The following GDPD5 variants were observed in gnomAD, a reference collection of about 807,000 sequenced individuals.
GDPD5 encodes glycerophosphodiester phosphodiesterase 2.
Under a neutral mutation model 75.1 loss-of-function variants are expected in GDPD5, and 48 were observed. The observed-to-expected ratio is 0.64, with a 90% CI of 0.51 to 0.81. GDPD5 has a LOEUF of 0.81. GDPD5 is among the 40% of genes least tolerant of loss of function. The pLI is 0.00. For synonymous variants in GDPD5, 336 were observed against 339.0 expected, an observed-to-expected ratio of 0.99 and a Z score of 0.10; for missense variants, 706 against 822.6, an observed-to-expected ratio of 0.86 and a Z score of 1.73.
intron 1 of GDPD5, among the ~76,000 whole-genome samples, chr11:75,515,330 A>C (rs1012932529): frequency 2.0e-5 from 3 of 152,168 alleles, no homozygotes; most frequent in Non-Finnish European, 2.9e-5. Flanking sequence ...CTCCCTGACC[A>C]TGCCTCCTCT....
At position 75,477,638 on chromosome 11, in the gene GDPD5, G is replaced by A; in HGVS notation, c.98C>T (p.Ser33Phe). ...GCTCACCGGTGTGGTATCATCATGG[G>A]AGCGCTGGTAGCGCTTCCAACGGCA... ...YGCRWKRYQR[S>F]HDDTTPWERL... The change falls in exon 3 of 17, where the codon TCC (serine) becomes TTC (phenylalanine). Residue 33 changes from serine (S) to phenylalanine (F), a missense_variant. Coordinates refer to ENST00000336898, the MANE Select transcript of GDPD5 (RefSeq NM_030792.8). 1 of 1,594,524 alleles carries A rather than the reference G, an allele frequency of 6.3e-7. No individual in the cohort carries two copies. The highest frequency in any genetic ancestry group is 8.6e-7 in the Non-Finnish European group (1 of 1,165,928).
chr11:75,452,480 C>T (rs971371797), intron 6 of GDPD5: 4 of 152,160 alleles, frequency 2.6e-5, no homozygotes, highest in Non-Finnish European at 5.9e-5. Flanking sequence ...GATATGGGAA[C>T]AGGATTATTG....
chr11:75,439,226 AGGT>A, intron 15 of GDPD5: 1 of 418,594 alleles, frequency 2.4e-6, no homozygotes, highest in Non-Finnish European at 4.9e-6. Flanking sequence ...GCTGTCTGCG[AGGT>A]GGCCCGGGCA....
intron 1 of GDPD5, among the ~76,000 whole-genome samples, chr11:75,522,020 C>T (rs1941478322): frequency 6.6e-6 from 1 of 152,012 alleles, no homozygotes; most frequent in Non-Finnish European, 1.5e-5. Flanking sequence ...CATTCAAGGC[C>T]CTCTCCTATA....
chr11:75,518,516 AC>A (rs1950690027), intron 1 of GDPD5, among the ~76,000 whole-genome samples: 1 of 152,168 alleles, frequency 6.6e-6, no homozygotes, highest in Non-Finnish European at 1.5e-5. Context: ...GGCCTGCAGG[AC>A]TTTTAAAAGT....
At chr11:75,443,451 T>TG (rs1006705889) in intron 10 of GDPD5, among the ~76,000 whole-genome samples, 165 bp from the exon 11 acceptor site, 1 of 152,134 alleles carries the variant, frequency 6.6e-6, no homozygotes, top group Non-Finnish European at 1.5e-5. Context: ...GACAGTGGGC[T>TG]GGTGGGTGAC....
intron 3 of GDPD5, among the ~76,000 whole-genome samples, chr11:75,475,808 T>G (rs886450111): frequency 1.3e-5 from 2 of 152,006 alleles, no homozygotes; most frequent in Non-Finnish European, 2.9e-5. Context: ...CTGCTGCCCC[T>G]CCAGCCTTGG....
intron 16 of GDPD5, among the ~76,000 whole-genome samples, chr11:75,436,465 G>A (rs1311668401): frequency 6.6e-6 from 1 of 151,614 alleles, no homozygotes; most frequent in Non-Finnish European, 1.5e-5. Flanking sequence ...CTCTGACCAC[G>A]TCCTCCCGCC....
At chr11:75,464,302 C>T (rs1592095975) in intron 3 of GDPD5, among the ~76,000 whole-genome samples, 1 of 152,214 alleles carries the variant, frequency 6.6e-6, no homozygotes, top group South Asian at 2.1e-4. Flanking sequence ...GAGGGCAATA[C>T]TAGTACTTAT....
intron 1 of GDPD5, among the ~76,000 whole-genome samples, chr11:75,503,736 G>A (rs1230061257): frequency 2.0e-5 from 3 of 152,252 alleles, no homozygotes; most frequent in African/African-American, 7.2e-5. Flanking sequence ...TCTGACGTGA[G>A]TCTCCTTGTT....
chr11:75,438,276 T>C (rs1418225542), intron 15 of GDPD5: 1 of 152,294 alleles, frequency 6.6e-6, no homozygotes, highest in Non-Finnish European at 1.5e-5. Flanking sequence ...AGTGAATGAA[T>C]GGAAGAATAA....
intron 1 of GDPD5, among the ~76,000 whole-genome samples, chr11:75,503,887 C>G (rs1435180593): frequency 6.6e-6 from 1 of 152,220 alleles, no homozygotes; most frequent in Non-Finnish European, 1.5e-5. Context: ...CCCTGCCTCC[C>G]CCAGCCCTGA....
intron 1 of GDPD5, among the ~76,000 whole-genome samples, chr11:75,522,249 G>A (rs757556645): frequency 6.6e-5 from 10 of 152,152 alleles, no homozygotes; most frequent in African/African-American, 1.7e-4. Flanking sequence ...CATCACAACC[G>A]TCATTTCACA....
chr11:75,476,179 G>A (rs566590841), intron 3 of GDPD5, among the ~76,000 whole-genome samples: 5 of 152,314 alleles, frequency 3.3e-5, no homozygotes, highest in African/African-American at 1.2e-4. Context: ...CCAGAACAAA[G>A]TGTGGAGCAC....
intron 2 of GDPD5, among the ~76,000 whole-genome samples, chr11:75,480,297 C>T (rs1949879802): frequency 6.7e-6 from 1 of 149,746 alleles, no homozygotes; most frequent in South Asian, 2.1e-4. Context: ...CACTGCACTC[C>T]AGCCAGGGTG....
chr11:75,516,486 T>G (rs1950641826), intron 1 of GDPD5, among the ~76,000 whole-genome samples: 1 of 152,208 alleles, frequency 6.6e-6, no homozygotes, highest in African/African-American at 2.4e-5. Context: ...CCTCAGAGCC[T>G]CCTCTGGTCT....
At chr11:75,461,719 G>A (rs951796305) in intron 4 of GDPD5, among the ~76,000 whole-genome samples, 2 of 152,182 alleles carry the variant, frequency 1.3e-5, no homozygotes, top group African/African-American at 2.4e-5. Context: ...TTTACAGAAG[G>A]AGAGGCTTAG....
At chr11:75,442,848 C>T (rs1261579207) in intron 11 of GDPD5, 4 of 601,978 alleles carry the variant, frequency 6.6e-6, no homozygotes, top group Non-Finnish European at 1.2e-5. Context: ...CATTTCAGAT[C>T]AGAGAGCCAA....
At chr11:75,475,184 C>T (rs992991984) in intron 3 of GDPD5, among the ~76,000 whole-genome samples, 3 of 152,260 alleles carry the variant, frequency 2.0e-5, no homozygotes, top group African/African-American at 4.8e-5. Context: ...TGCCTCGTGA[C>T]TCTCCCACCT....
Sources: allele counts gnomAD v4.1 joint callset (sites outside exome capture counted in the v4.1 genomes callset), GRCh38; gene constraint gnomAD v4.1.1; transcripts MANE v1.5; gene names NCBI Gene and HGNC (gene_info 2026-07-23, HGNC 2026-07-21).